HS1BP3: variants seen among roughly 807,000 people sequenced by gnomAD.
HS1BP3 encodes HCLS1 binding protein 3.
Under a neutral mutation model 33.5 loss-of-function variants are expected in HS1BP3, and 32 were observed. The ratio of observed to expected loss-of-function variants is 0.95; its 90% CI spans 0.72 to 1.28. The LOEUF (loss-of-function observed/expected upper bound fraction) is 1.28. Ranked by LOEUF, HS1BP3 falls within the 50% of genes most tolerant of loss-of-function variation. The pLI, the probability that HS1BP3 is intolerant of heterozygous loss-of-function variation, is 0.00. For synonymous variants in HS1BP3, 187 were observed against 209.2 expected (o/e 0.89, Z 0.92); for missense variants, 486 against 502.3 (o/e 0.97, Z 0.31).
At chr2:20,584,155 C>A (rs1028955938) in intron 5 of HS1BP3, among the ~76,000 whole-genome samples, 5 of 152,176 alleles carry the variant, frequency 3.3e-5, no homozygotes, top group Non-Finnish European at 5.9e-5. Flanking sequence ...GTAGGCTGGG[C>A]CAGGTGGGGT....
downstream of HS1BP3, among the ~76,000 whole-genome samples, chr2:20,614,177 A>G (rs548515626): frequency 1.3e-5 from 2 of 152,122 alleles, no homozygotes; most frequent in African/African-American, 4.8e-5. Context: ...TTGCCAGGAA[A>G]CCCCCAGAAG....
chr2:20,631,508 A>C (rs11897003), intron 4 of HS1BP3, among the ~76,000 whole-genome samples: 5,669 of 134,358 alleles, frequency 0.042, 516 homozygotes, highest in African/African-American at 0.15. Context: ...AAGAGTAAGA[A>C]CCTGTCTCAA....
At chr2:20,619,298 G>A in intron 6 of HS1BP3, 53 bp from the exon 7 acceptor site, 1 of 1,441,360 alleles carries the variant, frequency 6.9e-7, no homozygotes. Context: ...CCCGTGACAG[G>A]AACAAGACCC....
intron 3 of HS1BP3, 73 bp from the exon 4 acceptor site, chr2:20,638,725 A>T: frequency 8.4e-7 from 1 of 1,185,586 alleles, no homozygotes; most frequent in African/African-American, 1.5e-5. Context: ...GCCACACTGC[A>T]CCCTCCCATG....
intron 5 of HS1BP3, among the ~76,000 whole-genome samples, chr2:20,580,002 T>C (rs563003307): frequency 3.3e-5 from 5 of 152,388 alleles, no homozygotes; most frequent in Admixed American, 6.5e-5. Context: ...GATCTGTTTC[T>C]ATCCTAATCT....
At position 20,619,138 on chromosome 2, in the gene HS1BP3, T is replaced by C; in HGVS notation, c.1028A>G (p.Lys343Arg). ...GCCCGCTTTGGGGGGAACAGCTGGT[T>C]TTCTGGGTATCACCGGCTTAGCTGC... Reference protein sequence around the residue: ...PVAAKPVIPRKPAVPPKAGPA... With the variant: ...PVAAKPVIPRRPAVPPKAGPA... The change falls in exon 7 of 7, where the codon AAA becomes AGA. Residue 343 changes from lysine to arginine, a missense_variant. Transcript: ENST00000304031. 1 of 1,614,120 alleles carries C rather than the reference T, an allele frequency of 6.2e-7. No individual in the cohort carries two copies. The highest frequency in any genetic ancestry group is 1.1e-5 in the South Asian group (1 of 91,084).
rs192399824 is a variant in HS1BP3 at position 20,647,982 on chromosome 2, C to T, written c.33-2477G>A. Among the ~76,000 whole-genome samples, 5 of 152,336 alleles carry T rather than the reference C, an allele frequency of 3.3e-5. No individual in the cohort carries two copies. In the East Asian group the frequency reaches 9.6e-4, roughly 29 times the overall value. ...CCTAGGCTTCGCTGTCACATCTGCC[C>T]ATCAGCCTGCAGCTGCTCCCTGATA... is the stretch of plus-strand genomic sequence containing the variant. On this transcript the variant is annotated intron_variant, in intron 1 of 6. Coordinates refer to ENST00000304031, the MANE Select transcript of HS1BP3 (RefSeq NM_022460.4).
intron 1 of HS1BP3, among the ~76,000 whole-genome samples, chr2:20,649,542 C>T (rs1442016263): frequency 4.6e-5 from 7 of 152,328 alleles, no homozygotes; most frequent in South Asian, 2.1e-4. Context: ...TAAAGCTCTA[C>T]GAGAGGGACT....
In HS1BP3 at chr2:20,651,081, C is replaced by T. The variant is rs1049527311; in HGVS notation, c.-18G>A. ...GACTGCATGACGGCGGCGGGGACTCCGGGCGGGGCGCGCAGTCACGGGACC... is the reference window on the plus strand; with the variant it reads ...GACTGCATGACGGCGGCGGGGACTCTGGGCGGGGCGCGCAGTCACGGGACC... On this transcript the variant is annotated 5_prime_UTR_variant, in exon 1 of 7. Transcript: ENST00000304031. 1.3e-5 allele frequency: 16 copies of T among 1,230,128 alleles called. No homozygotes were observed. Among genetic ancestry groups the T allele is most frequent in the Admixed American group, 8.5e-5 (2 of 23,648 alleles). The allele number at this position is 1,230,128 out of a possible 1,614,324, so 76.2% of individuals were successfully genotyped here. A position where few individuals can be genotyped will look rare whatever the true frequency, so the allele number is the denominator to read the frequency against.
chr2:20,650,897 C>T, intron 1 of HS1BP3, 135 bp downstream of exon 1: 2 of 756,326 alleles, frequency 2.6e-6, no homozygotes, highest in Non-Finnish European at 3.6e-6. Flanking sequence ...GGGCCCAGCC[C>T]GGATAAGCCA....
chr2:20,553,987 C>T, the HS1BP3 span, among the ~76,000 whole-genome samples: 1 of 152,164 alleles, frequency 6.6e-6, no homozygotes, highest in Non-Finnish European at 1.5e-5. Flanking sequence ...CACAGCAATA[C>T]CAGGAACCAG....
rs1425690910 is a variant in HS1BP3 at position 20,641,197 on chromosome 2, A to G, written c.199-17T>C. 6.3e-7 allele frequency: 1 copy of G among 1,596,688 alleles called. No homozygotes were observed. Among genetic ancestry groups the G allele is most frequent in the Non-Finnish European group, 8.5e-7 (1 of 1,176,424 alleles). The stretch of plus-strand genomic sequence containing the variant: ...TTTGGAGACCTGGAATGAGAGGAGC[A>G]TGTGGTTTCCTGAGTGAAGAGTGGC... On this transcript the variant is annotated splice_polypyrimidine_tract_variant and intron_variant, in intron 2 of 6. Transcript: ENST00000304031.
intron 5 of HS1BP3, among the ~76,000 whole-genome samples, chr2:20,575,464 A>G (rs1003929282): frequency 2.0e-5 from 3 of 152,236 alleles, no homozygotes; most frequent in South Asian, 4.1e-4. Flanking sequence ...CTGACACTCC[A>G]AGACCCTGTT....
At chr2:20,638,142 T>C in intron 4 of HS1BP3, 1 of 561,606 alleles carries the variant, frequency 1.8e-6, no homozygotes, top group Non-Finnish European at 3.1e-6. Flanking sequence ...CCTGCACTAC[T>C]GAGCTGTCAC....
intron 4 of HS1BP3, among the ~76,000 whole-genome samples, chr2:20,629,170 T>G (rs1339884502): frequency 6.6e-6 from 1 of 151,952 alleles, no homozygotes; most frequent in East Asian, 1.9e-4. Flanking sequence ...CCATGACAGG[T>G]GCGTCACTCA....
At chr2:20,593,090 C>G (rs139011794) in intron 3 of HS1BP3, among the ~76,000 whole-genome samples, 3,543 of 152,072 alleles carry the variant, frequency 0.023, 42 homozygotes, top group Middle Eastern at 0.031. Flanking sequence ...CCTGTCCCCC[C>G]ACTGTCCCCC....
intron 5 of HS1BP3, among the ~76,000 whole-genome samples, chr2:20,561,168 C>T (rs1692983576): frequency 6.6e-6 from 1 of 152,202 alleles, no homozygotes; most frequent in Non-Finnish European, 1.5e-5. Context: ...ACCTGCAGGT[C>T]CTGCCCAGTG....
At chr2:20,619,574 C>T (rs1694531003) in intron 6 of HS1BP3, among the ~76,000 whole-genome samples, 1 of 152,224 alleles carries the variant, frequency 6.6e-6, no homozygotes, top group Non-Finnish European at 1.5e-5. Flanking sequence ...CCCTCCAATC[C>T]CTTCAGAAAT....
intron 6 of HS1BP3, 23 bp from the exon 7 acceptor site, chr2:20,619,268 C>G (rs1429654267): frequency 1.9e-6 from 3 of 1,564,996 alleles, no homozygotes; most frequent in African/African-American, 2.7e-5. Flanking sequence ...AGGGAGGAAC[C>G]CTGAGCATAA....
Sources: allele counts gnomAD v4.1 joint callset (sites outside exome capture counted in the v4.1 genomes callset), GRCh38; gene constraint gnomAD v4.1.1; transcripts MANE v1.5; gene names NCBI Gene and HGNC (gene_info 2026-07-23, HGNC 2026-07-21).